IGSF5: variants seen among roughly 807,000 people sequenced by gnomAD.
The protein encoded by IGSF5 is immunoglobulin superfamily member 5, also known as immunoglobulin superfamily 5 like.
IGSF5 carries 41 observed loss-of-function variants against 39.4 expected under a neutral mutation model. The ratio of observed to expected loss-of-function variants is 1.04; its 90% CI spans 0.81 to 1.35. The LOEUF (loss-of-function observed/expected upper bound fraction) is 1.35, where lower values mean the gene tolerates loss of function less well. Among genes scored for constraint, IGSF5 ranks in the 40% most tolerant of loss-of-function variants. The pLI is 0.00. For synonymous variants in IGSF5, 183 were observed against 175.3 expected (o/e 1.04, Z -0.34); for missense variants, 487 against 494.6 (o/e 0.98, Z 0.15).
chr21:39,765,865 G>A lies in IGSF5; in HGVS notation c.418+13G>A. On this transcript the variant is annotated intron_variant, in intron 3 of 8. Transcript: ENST00000380588. ...CTTACCGTCCAAGGTGTGTATGCAG[G>A]TGGCTTCTGAAGTCCATCAGGTTAA... The A allele has an allele frequency of 6.2e-7, 1 of 1,603,122 alleles. No homozygotes were observed. Among genetic ancestry groups the A allele is most frequent in the Non-Finnish European group, 8.5e-7 (1 of 1,171,512 alleles).
At chr21:39,792,596 A>G (rs531960042) in intron 7 of IGSF5, among the ~76,000 whole-genome samples, 9 of 152,172 alleles carry the variant, frequency 5.9e-5, no homozygotes, top group Admixed American at 1.3e-4. Context: ...ACATGTGGGG[A>G]GGTATTTTAA....
intron 5 of IGSF5, among the ~76,000 whole-genome samples, chr21:39,781,635 G>T (rs748741310): frequency 6.6e-6 from 1 of 152,054 alleles, no homozygotes; most frequent in East Asian, 1.9e-4. Flanking sequence ...TGGCCAACAG[G>T]GTGTCATCAT....
intron 2 of IGSF5, among the ~76,000 whole-genome samples, chr21:39,764,835 G>T (rs2080078048): frequency 6.6e-6 from 1 of 152,180 alleles, no homozygotes; most frequent in African/African-American, 2.4e-5. Flanking sequence ...GGTCTGCCAG[G>T]GTGTCTTCTT....
At chr21:39,728,570 G>A in the IGSF5 span, among the ~76,000 whole-genome samples, 93 of 152,180 alleles carry the variant, frequency 6.1e-4, 1 homozygote, top group African/African-American at 1.8e-3. Flanking sequence ...GGTCATGGCA[G>A]CCTCAGGAGA....
Position 39,793,605 on chromosome 21 carries a change from C to T in IGSF5, c.1120C>T (p.Pro374Ser). 1 of 1,613,560 alleles carries T rather than the reference C, an allele frequency of 6.2e-7. No homozygotes were observed. Among genetic ancestry groups the T allele is most frequent in the Non-Finnish European group, 8.5e-7 (1 of 1,179,530 alleles). The change falls in exon 8 of 9, where the codon CCT (proline) becomes TCT (serine). Residue 374 changes from proline to serine, a missense_variant. Transcript: ENST00000380588. ...ACAAAGAAACAGTAGCTGTGGCCCT[C>T]CTCACCAGGTAGTTTAGACCATTTT... ...PEQRNSSCGP[P>S]HQRADQRPPR...
chr21:39,779,151 A>T lies in IGSF5; in HGVS notation c.780A>T (p.Ser260=). 1 of 1,614,056 alleles carries T rather than the reference A, an allele frequency of 6.2e-7. No individual in the cohort carries two copies. ...VLSSLPSLGF[S]LPTWGKVGLG... Reference sequence around the variant, plus strand: ...CAAGTTTACCGAGTTTAGGTTTTTCATTGCCTACTTGGGGCAAAGTTGGAC... The same window carrying T: ...CAAGTTTACCGAGTTTAGGTTTTTCTTTGCCTACTTGGGGCAAAGTTGGAC... The change falls in exon 5 of 9, where the codon TCA becomes TCT. Residue 260 remains serine (S), a synonymous_variant. Transcript: ENST00000380588.
chr21:39,728,109 G>A, the IGSF5 span: 1 of 152,090 alleles, frequency 6.6e-6, no homozygotes, highest in Non-Finnish European at 1.5e-5. Context: ...AGTTTCCTTG[G>A]CAATATTGTT....
At chr21:39,761,815 C>T (rs1166185036) in intron 2 of IGSF5, among the ~76,000 whole-genome samples, 6 of 152,262 alleles carry the variant, frequency 3.9e-5, no homozygotes, top group African/African-American at 1.4e-4. Context: ...ACCACAGGCA[C>T]ATGCTAACAC....
At position 39,794,205 on chromosome 21, in the gene IGSF5, G is replaced by T. The variant is rs530809104; in HGVS notation, c.1128+592G>T. 1.4e-4 allele frequency among the ~76,000 whole-genome samples: 22 copies of T among 152,334 alleles called. No homozygotes were observed. The East Asian group carries it at 1.7e-3, about 12-fold the overall frequency. On this transcript the variant is annotated intron_variant, in intron 8 of 8. Transcript: ENST00000380588. The stretch of plus-strand genomic sequence containing the variant: ...ATGATTAAGGATTATGGCCAGAACG[G>T]CTAAGAGGCTGGAGTTGCCATTAAC...
intron 5 of IGSF5, among the ~76,000 whole-genome samples, chr21:39,785,772 C>T (rs1437806852): frequency 1.3e-5 from 2 of 152,088 alleles, no homozygotes; most frequent in African/African-American, 4.8e-5. Flanking sequence ...AGGTCCTTCA[C>T]ATCCCTTGTA....
chr21:39,746,361 T>TAATAGAGTGA (rs1388511462), intron 2 of IGSF5, 63 bp downstream of exon 2: 2 of 678,860 alleles, frequency 2.9e-6, no homozygotes, highest in Non-Finnish European at 5.4e-6. Flanking sequence ...TTGCAAGATT[T>TAATAGAGTGA]AATAGAGTGA....
chr21:39,789,621 T>A (rs1363878080), intron 6 of IGSF5, among the ~76,000 whole-genome samples: 1 of 152,188 alleles, frequency 6.6e-6, no homozygotes, highest in East Asian at 1.9e-4. Flanking sequence ...TATAGTTGTA[T>A]GTTTATTATG....
chr21:39,724,484 A>G, the IGSF5 span, among the ~76,000 whole-genome samples: 10 of 152,284 alleles, frequency 6.6e-5, no homozygotes, highest in South Asian at 1.7e-3. Context: ...TTCTTGTGAT[A>G]GTGAATAAGT....
rs533835168 is a variant in IGSF5 at position 39,801,720 on chromosome 21, G to A, written c.*363G>A. ...TTTCAAAAGTTTTTATTATCTGAAA[G>A]CATATGAAGATGATATTTATGTATA... On this transcript the variant is annotated 3_prime_UTR_variant, in exon 9 of 9. Transcript: ENST00000380588. The A allele has an allele frequency of 5.9e-6, 1 of 168,238 alleles. No individual in the cohort carries two copies. The highest frequency in any genetic ancestry group is 1.6e-4 in the East Asian group (1 of 6,128). 10.4% of individuals were successfully genotyped at this position (168,238 alleles called of 1,614,324 possible). A position where few individuals can be genotyped will look rare whatever the true frequency, so the allele number is the denominator to read the frequency against.
chr21:39,754,308 T>A (rs2080019540), intron 2 of IGSF5, among the ~76,000 whole-genome samples: 4 of 152,244 alleles, frequency 2.6e-5, no homozygotes, highest in African/African-American at 9.6e-5. Flanking sequence ...AGGCTAAAGA[T>A]AGGACTTCAA....
In IGSF5 at chr21:39,745,525, A is replaced by T. The variant is rs368695436; in HGVS notation, c.16A>T (p.Arg6Trp). Residue 6 changes from arginine (R) to tryptophan (W), a missense_variant and splice_region_variant, in exon 1 of 9, where the codon AGG (arginine) becomes TGG (tryptophan). Arg to Trp is a moderately radical substitution (Grantham distance 101, BLOSUM62 -3). Coordinates refer to ENST00000380588, the MANE Select transcript of IGSF5 (RefSeq NM_001080444.2). The stretch of plus-strand genomic sequence containing the variant: ...CCCAGGAGGTATGGGTCAGAAGGAA[A>T]GGTAAGGGCGCATGCGTGGGCGACT... MGQKE[R>W]STADTLPDLE... 15 of 716,998 alleles carry T rather than the reference A, an allele frequency of 2.1e-5. No individual in the cohort carries two copies. The highest frequency in any genetic ancestry group is 3.6e-5 in the Non-Finnish European group (14 of 384,808). The allele number at this position is 716,998 out of a possible 1,614,324, so 44.4% of individuals were successfully genotyped here.
chr21:39,745,596 G>C (rs1405257534), intron 1 of IGSF5, 70 bp downstream of exon 1: 9 of 709,110 alleles, frequency 1.3e-5, no homozygotes, highest in African/African-American at 3.5e-5. Flanking sequence ...ATCAGCTACT[G>C]CTGGGAGGTT....
At chr21:39,792,443 G>A (rs973813964) in intron 7 of IGSF5, among the ~76,000 whole-genome samples, 20 of 152,106 alleles carry the variant, frequency 1.3e-4, no homozygotes, top group Non-Finnish European at 2.2e-4. Flanking sequence ...ACAAGTTAAC[G>A]GGTGCAGCAC....
intron 2 of IGSF5, among the ~76,000 whole-genome samples, chr21:39,751,759 C>A (rs545322540): frequency 6.6e-6 from 1 of 152,304 alleles, no homozygotes; most frequent in South Asian, 2.1e-4. Context: ...AGGACTGACT[C>A]ATGACGTCTG....
Sources: gnomAD v4.1 joint callset for allele counts (sites outside exome capture counted in the v4.1 genomes callset) on GRCh38, gnomAD v4.1.1 for gene constraint, MANE v1.5 for transcripts, NCBI Gene and HGNC (gene_info 2026-07-23, HGNC 2026-07-21) for gene names.